Variants in UBE2G1 observed in about 807,000 individuals in gnomAD.
UBE2G1 encodes the protein ubiquitin-conjugating enzyme E2 G1.
A neutral mutation model predicts 22.7 loss-of-function variants in UBE2G1; 5 were observed. That is an observed-to-expected ratio of 0.22 (90% CI 0.12 to 0.46). The LOEUF (loss-of-function observed/expected upper bound fraction) is 0.46. Ranked by LOEUF, UBE2G1 falls within the 20% of genes least tolerant of loss-of-function variation. UBE2G1 has a pLI of 0.99. For missense variants in UBE2G1, 88 were observed against 203.9 expected (o/e 0.43, Z 3.46); for synonymous variants, 74 against 67.5 (o/e 1.10, Z -0.47).
chr17:4,328,804 G>A (rs1375613037), intron 1 of UBE2G1, among the ~76,000 whole-genome samples: 2 of 152,196 alleles, frequency 1.3e-5, no homozygotes, highest in African/African-American at 4.8e-5. Context: ...TGACAATGGT[G>A]GGCGGGGCGC....
In UBE2G1 at chr17:4,349,322, CAT is replaced by C. The variant is rs1394507562; in HGVS notation, c.46+16947_46+16948del. Among the ~76,000 whole-genome samples the C allele has an allele frequency of 3.9e-5, 6 of 152,124 alleles. No individual in the cohort carries two copies. The East Asian group carries it at 1.2e-3, about 29-fold the overall frequency. On this transcript the variant is annotated intron_variant, in intron 1 of 5. Transcript: ENST00000396981. ...GACTACCATGAGAATGGTGTGACACCATATATGTTTTTCTTTAAGGATGGTTT... is the reference window on the plus strand; with the variant it reads ...GACTACCATGAGAATGGTGTGACACCATATGTTTTTCTTTAAGGATGGTTT...
chr17:4,340,704 A>C (rs1969701200), intron 1 of UBE2G1, among the ~76,000 whole-genome samples: 3 of 152,110 alleles, frequency 2.0e-5, no homozygotes, highest in Non-Finnish European at 4.4e-5. Flanking sequence ...TTTCCTTTAT[A>C]AATTATCCAG....
intron 1 of UBE2G1, among the ~76,000 whole-genome samples, chr17:4,339,391 G>A (rs1197163823): frequency 2.0e-5 from 3 of 151,490 alleles, no homozygotes; most frequent in East Asian, 2.0e-4. Context: ...TGCAACCTTC[G>A]ACTCCCGGCT....
chr17:4,345,470 G>C (rs1268514779), intron 1 of UBE2G1, among the ~76,000 whole-genome samples: 1 of 152,080 alleles, frequency 6.6e-6, no homozygotes, highest in African/African-American at 2.4e-5. Context: ...CTTATTTCCA[G>C]TAACTTACAA....
chr17:4,363,794 T>C (rs1299707093), intron 1 of UBE2G1, among the ~76,000 whole-genome samples: 1 of 149,230 alleles, frequency 6.7e-6, no homozygotes, highest in East Asian at 2.0e-4. Flanking sequence ...CTACTGAAAA[T>C]ACAAAAAATT....
intron 5 of UBE2G1, among the ~76,000 whole-genome samples, chr17:4,273,820 C>T (rs901847449): frequency 6.6e-6 from 1 of 152,038 alleles, no homozygotes; most frequent in Non-Finnish European, 1.5e-5. Flanking sequence ...GAATCCATTG[C>T]CATGCACAAT....
At chr17:4,331,095 T>G (rs993071460) in intron 1 of UBE2G1, among the ~76,000 whole-genome samples, 1 of 152,088 alleles carries the variant, frequency 6.6e-6, no homozygotes, top group Non-Finnish European at 1.5e-5. Flanking sequence ...TTTTTAAAGT[T>G]CCTGGTGGTA....
intron 1 of UBE2G1, among the ~76,000 whole-genome samples, chr17:4,352,295 T>C (rs1180188624): frequency 2.0e-5 from 3 of 152,182 alleles, no homozygotes; most frequent in African/African-American, 4.8e-5. Flanking sequence ...AGTGATGCAC[T>C]CATGGCTCAC....
chr17:4,287,168 A>G (rs1421399560), intron 4 of UBE2G1, among the ~76,000 whole-genome samples: 1 of 148,906 alleles, frequency 6.7e-6, no homozygotes, highest in Non-Finnish European at 1.5e-5. Context: ...CAGAGGCGCA[A>G]TCTGGGCTCA....
intron 1 of UBE2G1, among the ~76,000 whole-genome samples, chr17:4,362,099 G>C (rs891243359): frequency 6.6e-6 from 1 of 151,678 alleles, no homozygotes; most frequent in South Asian, 2.1e-4. Context: ...CTTTTCAAAA[G>C]ATAAAATGTT....
chr17:4,333,496 A>T (rs1598197657), intron 1 of UBE2G1, among the ~76,000 whole-genome samples: 1 of 152,042 alleles, frequency 6.6e-6, no homozygotes, highest in Non-Finnish European at 1.5e-5. Context: ...GCCAACATGG[A>T]GAAACCCCAT....
chr17:4,292,308 C>CT (rs1184521723), intron 3 of UBE2G1, among the ~76,000 whole-genome samples: 1 of 63,130 alleles, frequency 1.6e-5, no homozygotes, highest in African/African-American at 4.9e-5. Flanking sequence ...GAGTGAGACT[C>CT]TGTCTCAAAA....
intron 5 of UBE2G1, among the ~76,000 whole-genome samples, chr17:4,277,368 C>T (rs944063348): frequency 2.0e-5 from 3 of 152,146 alleles, no homozygotes; most frequent in African/African-American, 4.8e-5. Flanking sequence ...TAATTTGTTA[C>T]GTAGCAATAA....
At chr17:4,295,611 C>G (rs1350736177) in intron 3 of UBE2G1, among the ~76,000 whole-genome samples, 1 of 151,940 alleles carries the variant, frequency 6.6e-6, no homozygotes, top group Non-Finnish European at 1.5e-5. Context: ...AGTATAATAG[C>G]CTAAAGAGAC....
intron 1 of UBE2G1, among the ~76,000 whole-genome samples, chr17:4,350,337 T>C (rs182061113): frequency 6.6e-6 from 1 of 152,142 alleles, no homozygotes; most frequent in East Asian, 1.9e-4. Context: ...GGTGCGCCTG[T>C]AATCCCAGCT....
intron 5 of UBE2G1, among the ~76,000 whole-genome samples, chr17:4,273,760 T>TA (rs1480532124): frequency 3.3e-5 from 5 of 152,092 alleles, no homozygotes; most frequent in African/African-American, 1.2e-4. Flanking sequence ...AGGAAACACC[T>TA]ATTAGGACTG....
chr17:4,333,651 C>A (rs533984015), intron 1 of UBE2G1, among the ~76,000 whole-genome samples: 79 of 152,124 alleles, frequency 5.2e-4, no homozygotes, highest in Admixed American at 9.2e-4. Context: ...GAAACCCCGT[C>A]TCTACTAAAA....
intron 2 of UBE2G1, chr17:4,302,020 T>C: frequency 2.0e-6 from 1 of 494,930 alleles, no homozygotes; most frequent in South Asian, 1.5e-5. Context: ...GAGAGAATCC[T>C]TCATAAAGAA....
chr17:4,361,875 G>GA (rs1474148236), intron 1 of UBE2G1, among the ~76,000 whole-genome samples: 1 of 150,906 alleles, frequency 6.6e-6, no homozygotes, highest in Admixed American at 6.7e-5. Context: ...CCGCGAGGCG[G>GA]AGGTTGCACT....
Sources: allele counts gnomAD v4.1 joint callset (sites outside exome capture counted in the v4.1 genomes callset), GRCh38; gene constraint gnomAD v4.1.1; transcripts MANE v1.5; gene names NCBI Gene and HGNC (gene_info 2026-07-23, HGNC 2026-07-21).